The following PTPRN2 variants were observed in gnomAD, a reference collection of about 807,000 sequenced individuals.
The protein encoded by PTPRN2 is receptor-type tyrosine-protein phosphatase N2.
PTPRN2 carries 74 observed loss-of-function variants against 118.8 expected under a neutral mutation model. The ratio of observed to expected loss-of-function variants is 0.62; its 90% CI spans 0.52 to 0.76. The LOEUF is 0.76. Ranked by LOEUF, PTPRN2 falls within the 30% of genes least tolerant of loss-of-function variation. The pLI, the probability that PTPRN2 is intolerant of heterozygous loss-of-function variation, is 0.00. For missense variants in PTPRN2, 1,481 were observed against 1,394.4 expected (o/e 1.06, Z -0.99); for synonymous variants, 641 against 608.0 (o/e 1.05, Z -0.80).
intron 12 of PTPRN2, chr7:157,863,544 A>T (rs911023489): frequency 6.6e-5 from 10 of 152,248 alleles, no homozygotes; most frequent in African/African-American, 2.4e-4. Flanking sequence ...CAAAAGAAAA[A>T]AATTAAAAGT....
At chr7:158,439,227 G>A (rs999713024) in intron 2 of PTPRN2, among the ~76,000 whole-genome samples, 4 of 151,674 alleles carry the variant, frequency 2.6e-5, no homozygotes, top group African/African-American at 9.7e-5. Context: ...CGACCACCTC[G>A]GGCACATGCC....
At position 158,565,789 on chromosome 7, in the gene PTPRN2, G is replaced by A. The variant is rs1038596989; in HGVS notation, c.112+21769C>T. ...GTAGTTACCCGCACGTCTAGAGACT[G>A]TCCCACATCTCCAAACACAGATCTG... On this transcript the variant is annotated intron_variant, in intron 1 of 22. Transcript: ENST00000389418. The surrounding 1 kb of genome is among the most constrained non-coding windows in gnomAD (Gnocchi z 4.6). Among the ~76,000 whole-genome samples, 1 of 152,174 alleles carries A rather than the reference G, an allele frequency of 6.6e-6. No individual in the cohort carries two copies. The highest frequency in any genetic ancestry group is 2.4e-5 in the African/African-American group (1 of 41,434).
At chr7:158,120,140 A>G (rs1817039325) in intron 9 of PTPRN2, among the ~76,000 whole-genome samples, 1 of 152,222 alleles carries the variant, frequency 6.6e-6, no homozygotes, top group Non-Finnish European at 1.5e-5. Context: ...TGAGGTTCCT[A>G]GAATCCTCAA....
intron 1 of PTPRN2, among the ~76,000 whole-genome samples, chr7:158,527,407 C>T (rs998716619): frequency 2.6e-5 from 4 of 152,238 alleles, no homozygotes; most frequent in African/African-American, 9.6e-5. Context: ...AAATCCTCAG[C>T]GAGTGTCTGC....
rs554524457 is a variant in PTPRN2 at position 158,385,442 on chromosome 7, T to C, written c.164-68510A>G. Among the ~76,000 whole-genome samples the C allele has an allele frequency of 2.6e-5, 4 of 152,300 alleles. No individual in the cohort carries two copies. In the South Asian group the frequency reaches 6.2e-4, roughly 24 times the overall value. On this transcript the variant is annotated intron_variant, in intron 2 of 22. Transcript: ENST00000389418. ...GCCTCTACTTTAAAATCTCACTGTA[T>C]AGCAAGCAAAGAGAGCTGTTTTGAG...
At chr7:158,026,354 G>A (rs189229773) in intron 11 of PTPRN2, among the ~76,000 whole-genome samples, 4 of 152,276 alleles carry the variant, frequency 2.6e-5, no homozygotes, top group Admixed American at 2.0e-4. Context: ...CGCTGGGGGG[G>A]ACCATAATAA....
chr7:158,457,775 C>T (rs1383546174), intron 2 of PTPRN2, among the ~76,000 whole-genome samples: 3 of 147,720 alleles, frequency 2.0e-5, no homozygotes, highest in East Asian at 2.0e-4. Context: ...ACAGCGGATG[C>T]GCGGCCCCAG....
chr7:158,131,481 C>G (rs538598768), intron 9 of PTPRN2, among the ~76,000 whole-genome samples: 21 of 148,256 alleles, frequency 1.4e-4, no homozygotes, highest in Admixed American at 7.4e-4. Flanking sequence ...CTCATACACA[C>G]ACACTTATAC....
In PTPRN2 at chr7:157,725,257, AGTGAGCCAGACC is replaced by A. The variant is rs1403902455; in HGVS notation, c.1789-42332_1789-42321del. 2.8e-4 allele frequency among the ~76,000 whole-genome samples: 38 copies of A among 138,154 alleles called. 1 individual carries two copies. The highest frequency in any genetic ancestry group is 1.0e-3 in the African/African-American group (34 of 32,680). The allele number at this position is 138,154 out of a possible 152,430, so 90.6% of individuals were successfully genotyped here. ...AGAACTGGATATCCACATGCAGAGG[AGTGAGCCAGACC>A]CTGGCCTCCCAGGAGAACTGGATAC... On this transcript the variant is annotated intron_variant, in intron 12 of 22. Coordinates refer to ENST00000389418, the MANE Select transcript of PTPRN2 (RefSeq NM_002847.5).
intron 2 of PTPRN2, among the ~76,000 whole-genome samples, chr7:158,450,201 G>T (rs189277157): frequency 6.6e-6 from 1 of 152,220 alleles, no homozygotes; most frequent in Non-Finnish European, 1.5e-5. Flanking sequence ...CTATCCCATC[G>T]TGGGAGCCCC....
rs527730563 is a variant in PTPRN2 at position 157,700,787 on chromosome 7, C to T, written c.1789-17850G>A. Reference sequence around the variant, plus strand: ...ACCTCCCCTGCATGCCTTCCCCACACCAGGAGCCCCTGGTCAGCGGCCGCG... The same window carrying T: ...ACCTCCCCTGCATGCCTTCCCCACATCAGGAGCCCCTGGTCAGCGGCCGCG... On this transcript the variant is annotated intron_variant, in intron 12 of 22. Coordinates refer to ENST00000389418, the MANE Select transcript of PTPRN2 (RefSeq NM_002847.5). Among the ~76,000 whole-genome samples, 106 of 152,310 alleles carry T rather than the reference C, an allele frequency of 7.0e-4. 1 individual carries two copies. The highest frequency in any genetic ancestry group is 1.2e-3 in the South Asian group (6 of 4,824).
At chr7:157,832,703 C>T (rs1461712252) in intron 12 of PTPRN2, among the ~76,000 whole-genome samples, 1 of 152,204 alleles carries the variant, frequency 6.6e-6, no homozygotes, top group Non-Finnish European at 1.5e-5. Flanking sequence ...AACACATATG[C>T]TTCGCGTGGG....
intron 11 of PTPRN2, among the ~76,000 whole-genome samples, chr7:157,975,632 G>A (rs931345019): frequency 6.6e-6 from 1 of 152,192 alleles, no homozygotes; most frequent in Non-Finnish European, 1.5e-5. Context: ...ATTCAAGGAT[G>A]AGGCCAGCCC....
At chr7:158,478,376 A>C (rs78448925) in intron 2 of PTPRN2, among the ~76,000 whole-genome samples, 2,736 of 152,286 alleles carry the variant, frequency 0.018, 85 homozygotes, top group African/African-American at 0.061. Context: ...TTCTCCTGGC[A>C]TTCGGTGCTG....
intron 6 of PTPRN2, among the ~76,000 whole-genome samples, chr7:158,162,812 C>T (rs898034794): frequency 5.3e-5 from 8 of 152,234 alleles, no homozygotes; most frequent in East Asian, 1.9e-4. Context: ...GCGTTCAGCC[C>T]GCAGCCTCGT....
At chr7:158,073,047 G>A (rs2128923478) in intron 11 of PTPRN2, among the ~76,000 whole-genome samples, 1 of 152,268 alleles carries the variant, frequency 6.6e-6, no homozygotes, top group South Asian at 2.1e-4. Context: ...AGGGACAGAG[G>A]GCAGTGGCTC....
At chr7:158,196,395 G>A (rs981303307) in intron 4 of PTPRN2, among the ~76,000 whole-genome samples, 12 of 152,196 alleles carry the variant, frequency 7.9e-5, no homozygotes, top group Middle Eastern at 6.8e-3. Context: ...ACACAGCTGC[G>A]TCCCCTCCCA....
At chr7:157,664,860 G>T (rs1796060300) in intron 13 of PTPRN2, among the ~76,000 whole-genome samples, 2 of 152,260 alleles carry the variant, frequency 1.3e-5, no homozygotes, top group South Asian at 4.1e-4. Context: ...TCCTCTGAGA[G>T]AAAGCTGGAG....
At chr7:158,095,436 A>G (rs992610096) in intron 10 of PTPRN2, among the ~76,000 whole-genome samples, 13 of 152,078 alleles carry the variant, frequency 8.5e-5, no homozygotes, top group Non-Finnish European at 1.5e-4. Context: ...GGTGTTAAGT[A>G]TCTGCATACG....
Sources: gnomAD v4.1 joint callset for allele counts (sites outside exome capture counted in the v4.1 genomes callset) on GRCh38, gnomAD v4.1.1 for gene constraint, Gnocchi (gnomAD v3.1) non-coding constraint, MANE v1.5 for transcripts, NCBI Gene and HGNC (gene_info 2026-07-23, HGNC 2026-07-21) for gene names.